Variants in ENO4 observed in about 807,000 individuals in gnomAD.
ENO4 encodes the protein 2-phospho-D-glycerate hydro-lyase.
In ENO4, 53 loss-of-function variants were observed where a neutral mutation model predicts 63.2. The ratio of observed to expected loss-of-function variants is 0.84; its 90% CI spans 0.67 to 1.05. The LOEUF (loss-of-function observed/expected upper bound fraction) is 1.05, where lower values mean the gene tolerates loss of function less well. Among genes scored for constraint, ENO4 ranks in the 50% least tolerant of loss-of-function variants. ENO4 has a pLI of 0.00. For synonymous variants in ENO4, 266 were observed against 283.8 expected (o/e 0.94, Z 0.63); for missense variants, 719 against 772.0 (o/e 0.93, Z 0.81).
chr10:116,875,760 A>T (rs1846815656), intron 10 of ENO4, among the ~76,000 whole-genome samples: 1 of 152,248 alleles, frequency 6.6e-6, no homozygotes, highest in Non-Finnish European at 1.5e-5. Flanking sequence ...GCAGCATTAT[A>T]GACAAGAGTG....
chr10:116,882,235 GT>G lies in ENO4; in HGVS notation c.*571del, dbSNP rs1217601022. 5 of 151,742 alleles carry G rather than the reference GT, an allele frequency of 3.3e-5. No homozygotes were observed. Among genetic ancestry groups the G allele is most frequent in the African/African-American group, 1.2e-4 (5 of 41,276 alleles). 9.4% of individuals were successfully genotyped at this position (151,742 alleles called of 1,614,324 possible). ...AATTCCCTCTCCTTTTTAAATTTTA[GT>G]TTTTCTTGTATTATTTTTATCTTTG... On this transcript the variant is annotated 3_prime_UTR_variant, in exon 14 of 14. Transcript: ENST00000341276.
Position 116,900,756 on chromosome 10 carries a change from A to G in ENO4, c.1195-10743A>G, listed in dbSNP as rs544738588. On this transcript the variant is annotated intron_variant, in intron 10 of 10. Transcript: ENST00000369207. ...TAGAACTGTTCAAATGACTCTAGTC[A>G]AAAGAAAGGAAACACATGACTACAG... The G allele has an allele frequency of 1.8e-5, 18 of 984,892 alleles. No homozygotes were observed. In the East Asian group the frequency reaches 1.1e-3, roughly 62 times the overall value. 61.0% of individuals were successfully genotyped at this position (984,892 alleles called of 1,614,324 possible).
At chr10:116,852,603 G>A (rs1197430693) in intron 1 of ENO4, among the ~76,000 whole-genome samples, 5 of 152,152 alleles carry the variant, frequency 3.3e-5, no homozygotes, top group Admixed American at 6.5e-5. Flanking sequence ...TGACAAACAC[G>A]ATACAAACAG....
chr10:116,876,819 C>CG (rs1564852656), intron 11 of ENO4, among the ~76,000 whole-genome samples: 1 of 152,032 alleles, frequency 6.6e-6, no homozygotes, highest in African/African-American at 2.4e-5. Context: ...GGTGTGGTGG[C>CG]GGGCGCCTGT....
At position 116,874,070 on chromosome 10, in the gene ENO4, T is replaced by C. The variant is rs1459935990; in HGVS notation, c.1216-6T>C. 1.3e-6 allele frequency: 2 copies of C among 1,537,896 alleles called. No homozygotes were observed. Among genetic ancestry groups the C allele is most frequent in the East Asian group, 2.5e-5 (1 of 40,662 alleles). On this transcript the variant is annotated splice_region_variant and splice_polypyrimidine_tract_variant and intron_variant, in intron 9 of 13. Transcript: ENST00000341276. ...CTTATTTTAATATTTTCCTGACACATATCAGAATAAAGGAAAGTATGAAGT... is the reference window on the plus strand; with the variant it reads ...CTTATTTTAATATTTTCCTGACACACATCAGAATAAAGGAAAGTATGAAGT...
intron 10 of ENO4, among the ~76,000 whole-genome samples, chr10:116,890,560 A>G (rs901141454): frequency 5.9e-5 from 9 of 152,244 alleles, no homozygotes; most frequent in Non-Finnish European, 8.8e-5. Context: ...GGGTCATATT[A>G]GACTATGTGC....
intron 7 of ENO4, among the ~76,000 whole-genome samples, chr10:116,865,915 A>T (rs1301477874): frequency 6.6e-6 from 1 of 152,198 alleles, no homozygotes; most frequent in Non-Finnish European, 1.5e-5. Flanking sequence ...TAAGTTTACT[A>T]CGTACCATCC....
intron 10 of ENO4, among the ~76,000 whole-genome samples, chr10:116,892,356 C>T (rs1387075537): frequency 6.6e-6 from 1 of 152,220 alleles, no homozygotes; most frequent in East Asian, 1.9e-4. Flanking sequence ...ACTACGATTT[C>T]AGCTCGGCCA....
chr10:116,887,800 G>A (rs1270380080), intron 10 of ENO4, among the ~76,000 whole-genome samples: 2 of 152,146 alleles, frequency 1.3e-5, no homozygotes, highest in Non-Finnish European at 2.9e-5. Context: ...CTAAACGAAT[G>A]GGCAAATACT....
At chr10:116,901,751 G>A in intron 10 of ENO4, 3 of 1,574,152 alleles carry the variant, frequency 1.9e-6, no homozygotes, top group Non-Finnish European at 2.6e-6. Flanking sequence ...TTAGTAAAGA[G>A]CATCGTTACT....
At chr10:116,887,134 G>A (rs998483083), downstream of ENO4, among the ~76,000 whole-genome samples, 1 of 152,136 alleles carries the variant, frequency 6.6e-6, no homozygotes, top group Admixed American at 6.5e-5. Context: ...TAGGACCAAG[G>A]GCGGAGAGAG....
chr10:116,879,977 G>A lies in ENO4; in HGVS notation c.1714G>A (p.Gly572Arg), dbSNP rs890131111. 3 of 1,546,390 alleles carry A rather than the reference G, an allele frequency of 1.9e-6. No homozygotes were observed. The highest frequency in any genetic ancestry group is 2.6e-6 in the Non-Finnish European group (3 of 1,143,368). ...TATAGAGGAAGAACTTGTCCAGAATGGAACACTGGGTATGCGCTGCTTTCT... is the reference window on the plus strand; with the variant it reads ...TATAGAGGAAGAACTTGTCCAGAATAGAACACTGGGTATGCGCTGCTTTCT... ...LTIEEELVQN[G>R]TLGFKEEHTF... is the part of the protein sequence containing the mutation. Residue 572 changes from glycine (G) to arginine (R), a missense_variant, in exon 13 of 14, where the codon GGA (glycine) becomes AGA (arginine). Transcript: ENST00000341276.
Position 116,881,784 on chromosome 10 carries a change from G to T in ENO4, c.*115G>T. The T allele has an allele frequency of 2.6e-6, 2 of 780,544 alleles. No individual in the cohort carries two copies. Among genetic ancestry groups the T allele is most frequent in the Non-Finnish European group, 3.6e-6 (2 of 550,912 alleles). The allele number at this position is 780,544 out of a possible 1,614,324, so 48.4% of individuals were successfully genotyped here. A position where few individuals can be genotyped will look rare whatever the true frequency, so the allele number is the denominator to read the frequency against. ...CCTCTTCAACTTCACCAACTCTTGTGGTTTTTATTCTTCTAATTCCACTGT... is the reference window on the plus strand; with the variant it reads ...CCTCTTCAACTTCACCAACTCTTGTTGTTTTTATTCTTCTAATTCCACTGT... On this transcript the variant is annotated 3_prime_UTR_variant, in exon 14 of 14. Transcript: ENST00000341276.
chr10:116,854,477 T>C (rs969725346), intron 1 of ENO4, among the ~76,000 whole-genome samples: 3 of 151,612 alleles, frequency 2.0e-5, no homozygotes, highest in Admixed American at 6.6e-5. Flanking sequence ...GGAGAATCGC[T>C]TGAACCCAGG....
At chr10:116,855,389 T>C (rs1846233853) in intron 1 of ENO4, among the ~76,000 whole-genome samples, 1 of 152,240 alleles carries the variant, frequency 6.6e-6, no homozygotes, top group South Asian at 2.1e-4. Context: ...TTGCCCCACA[T>C]ACCAGAGACT....
chr10:116,851,575 G>T (rs772180284), intron 1 of ENO4, among the ~76,000 whole-genome samples: 4 of 152,132 alleles, frequency 2.6e-5, no homozygotes, highest in African/African-American at 4.8e-5. Flanking sequence ...CTCTCACCTC[G>T]TCTCTCCCTC....
At chr10:116,851,362 T>C (rs1187313439) in intron 1 of ENO4, among the ~76,000 whole-genome samples, 1 of 152,212 alleles carries the variant, frequency 6.6e-6, no homozygotes, top group Non-Finnish European at 1.5e-5. Flanking sequence ...GGCTTTGGCT[T>C]GGACTTCGAA....
intron 10 of ENO4, chr10:116,901,593 T>C: frequency 1.0e-6 from 1 of 985,296 alleles, no homozygotes; most frequent in Non-Finnish European, 1.2e-6. Context: ...CTGAATGAGA[T>C]CTCTTAGCTA....
chr10:116,880,908 TG>T (rs1422287435), intron 13 of ENO4, among the ~76,000 whole-genome samples: 1 of 152,212 alleles, frequency 6.6e-6, no homozygotes, highest in Non-Finnish European at 1.5e-5. Flanking sequence ...AAAAGGACTC[TG>T]GTGACCACAG....
Sources: gnomAD v4.1 joint callset for allele counts (sites outside exome capture counted in the v4.1 genomes callset) on GRCh38, gnomAD v4.1.1 for gene constraint, MANE v1.5 for transcripts, NCBI Gene and HGNC (gene_info 2026-07-23, HGNC 2026-07-21) for gene names.